SDK1: variants seen among roughly 807,000 people sequenced by gnomAD.
The protein encoded by SDK1 is sidekick cell adhesion molecule 1, also known as protein sidekick-1.
Under a neutral mutation model 245.5 loss-of-function variants are expected in SDK1, and 157 were observed. The ratio of observed to expected loss-of-function variants is 0.64; its 90% CI spans 0.56 to 0.73. The LOEUF is 0.73. Ranked by LOEUF, SDK1 falls within the 30% of genes least tolerant of loss-of-function variation. The probability of loss-of-function intolerance (pLI) is 0.00; values close to 1 mark genes in which losing one functional copy is unlikely to be tolerated. For synonymous variants in SDK1, 1,647 were observed against 1,278.5 expected, an observed-to-expected ratio of 1.29 and a Z score of -6.15; for missense variants, 3,583 against 3,002.3, an observed-to-expected ratio of 1.19 and a Z score of -4.52.
At chr7:3,374,817 T>G (rs1467792362) in intron 1 of SDK1, among the ~76,000 whole-genome samples, 2 of 152,196 alleles carry the variant, frequency 1.3e-5, no homozygotes, top group Non-Finnish European at 2.9e-5. Context: ...CAGAATTGAT[T>G]AGGTCCCCTT....
At chr7:4,093,018 G>C (rs936862045) in intron 22 of SDK1, among the ~76,000 whole-genome samples, 1 of 152,066 alleles carries the variant, frequency 6.6e-6, no homozygotes, top group Non-Finnish European at 1.5e-5. Flanking sequence ...TTATTACTTA[G>C]AGTTACCTTC....
At chr7:3,346,666 CTTT>C (rs11311845) in intron 1 of SDK1, among the ~76,000 whole-genome samples, 4 of 123,832 alleles carry the variant, frequency 3.2e-5, no homozygotes, top group African/African-American at 3.1e-5. Context: ...AATTTAGTTT[CTTT>C]TTTTTTTTTT....
chr7:4,087,694 G>C (rs368275740), intron 22 of SDK1, among the ~76,000 whole-genome samples: 1 of 152,136 alleles, frequency 6.6e-6, no homozygotes, highest in Non-Finnish European at 1.5e-5. Flanking sequence ...AATGAGGGGC[G>C]ATCAATATAC....
At chr7:3,704,530 A>T (rs1784831841) in intron 4 of SDK1, among the ~76,000 whole-genome samples, 2 of 151,818 alleles carry the variant, frequency 1.3e-5, no homozygotes, top group Admixed American at 6.6e-5. Context: ...CTGTTTGATG[A>T]TGATATTTGT....
intron 1 of SDK1, among the ~76,000 whole-genome samples, chr7:3,392,413 A>G (rs1420151125): frequency 4.6e-5 from 7 of 152,132 alleles, no homozygotes; most frequent in African/African-American, 1.4e-4. Context: ...TGACTCCATT[A>G]GTTTTCTTTT....
At chr7:3,302,904 G>A (rs1779316678) in intron 1 of SDK1, among the ~76,000 whole-genome samples, 1 of 152,134 alleles carries the variant, frequency 6.6e-6, no homozygotes, top group Non-Finnish European at 1.5e-5. Context: ...AATTAGCTGT[G>A]TTCTGTGTCC....
intron 37 of SDK1, among the ~76,000 whole-genome samples, chr7:4,209,258 G>A (rs1327687995): frequency 6.6e-6 from 1 of 152,206 alleles, no homozygotes; most frequent in Non-Finnish European, 1.5e-5. Flanking sequence ...ACAGCTGTGG[G>A]TCCCAGAGAC....
At chr7:3,619,291 A>G in intron 2 of SDK1, 52 bp downstream of exon 2, 1 of 1,515,122 alleles carries the variant, frequency 6.6e-7, no homozygotes, top group South Asian at 1.2e-5. Flanking sequence ...TGTGTTTGGA[A>G]TACTTGCCTT....
intron 4 of SDK1, among the ~76,000 whole-genome samples, chr7:3,658,755 C>T (rs561739981): frequency 6.6e-6 from 1 of 152,012 alleles, no homozygotes; most frequent in Non-Finnish European, 1.5e-5. Flanking sequence ...GCTGCGACTA[C>T]AGACACCTGC....
At chr7:4,106,834 C>T (rs1236598909) in intron 22 of SDK1, among the ~76,000 whole-genome samples, 1 of 151,940 alleles carries the variant, frequency 6.6e-6, no homozygotes, top group Non-Finnish European at 1.5e-5. Flanking sequence ...AGAGCTACTG[C>T]CCTGACCACC....
intron 1 of SDK1, among the ~76,000 whole-genome samples, chr7:3,440,575 A>G (rs1192795030): frequency 6.6e-6 from 1 of 152,160 alleles, no homozygotes; most frequent in Admixed American, 6.6e-5. Context: ...CCTTATTTTA[A>G]TTAATAATGA....
rs180679092 is a variant in SDK1 at position 3,799,117 on chromosome 7, C to T, written c.714-22333C>T. On this transcript the variant is annotated intron_variant, in intron 4 of 44. Coordinates refer to ENST00000404826, the MANE Select transcript of SDK1 (RefSeq NM_152744.4). Reference sequence around the variant, plus strand: ...ATTGGATAACCAGTAGAATAAGTCCCTCATGTTTCTTCTCCTCTTTAAAAA... The same window carrying T: ...ATTGGATAACCAGTAGAATAAGTCCTTCATGTTTCTTCTCCTCTTTAAAAA... Among the ~76,000 whole-genome samples, 11 of 152,198 alleles carry T rather than the reference C, an allele frequency of 7.2e-5. No individual in the cohort carries two copies. The East Asian group carries it at 2.1e-3, about 29-fold the overall frequency.
At chr7:3,413,650 C>A (rs181236844) in intron 1 of SDK1, among the ~76,000 whole-genome samples, 26 of 152,166 alleles carry the variant, frequency 1.7e-4, no homozygotes, top group African/African-American at 6.3e-4. Context: ...GAGATCACAC[C>A]ACTGCACTCC....
chr7:4,243,843 G>T (rs1786674679), intron 43 of SDK1, among the ~76,000 whole-genome samples: 1 of 152,148 alleles, frequency 6.6e-6, no homozygotes, highest in African/African-American at 2.4e-5. Flanking sequence ...AGGGACACCT[G>T]AGATTGGTCC....
chr7:3,819,230 G>GT (rs11315088), intron 4 of SDK1, among the ~76,000 whole-genome samples: 271 of 144,898 alleles, frequency 1.9e-3, no homozygotes, highest in East Asian at 7.9e-3. Flanking sequence ...GGCAGCAGCA[G>GT]TTTTTTTTTT....
chr7:3,602,880 T>A (rs1781294468), intron 1 of SDK1, among the ~76,000 whole-genome samples: 1 of 152,176 alleles, frequency 6.6e-6, no homozygotes, highest in African/African-American at 2.4e-5. Flanking sequence ...GAATCCAGTT[T>A]CAGCTTTCTA....
chr7:3,572,666 A>G (rs977687467), intron 1 of SDK1, among the ~76,000 whole-genome samples: 1 of 152,020 alleles, frequency 6.6e-6, no homozygotes, highest in Non-Finnish European at 1.5e-5. Flanking sequence ...TCAGTCATCT[A>G]TTTGTCAAGT....
intron 22 of SDK1, among the ~76,000 whole-genome samples, chr7:4,081,239 C>T (rs561745792): frequency 5.9e-5 from 9 of 152,268 alleles, no homozygotes; most frequent in South Asian, 2.1e-4. Context: ...GAGTGGATGA[C>T]GCTCCTTTGG....
intron 17 of SDK1, among the ~76,000 whole-genome samples, chr7:4,030,115 C>A (rs1364655504): frequency 6.6e-6 from 1 of 152,140 alleles, no homozygotes; most frequent in East Asian, 1.9e-4. Context: ...GCATCGGCTC[C>A]GGGTGCCTGG....
Sources: gnomAD v4.1 joint callset for allele counts (sites outside exome capture counted in the v4.1 genomes callset) on GRCh38, gnomAD v4.1.1 for gene constraint, MANE v1.5 for transcripts, NCBI Gene and HGNC (gene_info 2026-07-23, HGNC 2026-07-21) for gene names.